NBAS: variants seen among roughly 807,000 people sequenced by gnomAD.
NBAS encodes NBAS subunit of NRZ tethering complex, also known as NAG/BC035112 fusion.
In NBAS, 219 loss-of-function variants were observed where a neutral mutation model predicts 302.5. That is an observed-to-expected ratio of 0.72 (90% confidence interval 0.65 to 0.81). The LOEUF (loss-of-function observed/expected upper bound fraction) is 0.81, where lower values mean the gene tolerates loss of function less well. NBAS is among the 30% of genes least tolerant of loss of function. NBAS has a pLI of 0.00. For missense variants in NBAS, 2,932 were observed against 2,841.6 expected (o/e 1.03, Z -0.72); for synonymous variants, 1,118 against 1,021.6 (o/e 1.09, Z -1.80).
intron 35 of NBAS, among the ~76,000 whole-genome samples, chr2:15,350,192 G>C (rs73197081): frequency 0.017 from 2,609 of 152,074 alleles, 87 homozygotes; most frequent in African/African-American, 0.06. Flanking sequence ...TCCACCAATA[G>C]ACTCCACAAC....
At chr2:15,169,057 C>A (rs567146496) in intron 51 of NBAS, among the ~76,000 whole-genome samples, 1 of 152,228 alleles carries the variant, frequency 6.6e-6, no homozygotes, top group Non-Finnish European at 1.5e-5. Flanking sequence ...AGTGAACCTA[C>A]ATTATGAAAC....
the NBAS span, among the ~76,000 whole-genome samples, chr2:14,806,968 C>T: frequency 1.6e-4 from 24 of 152,248 alleles, no homozygotes; most frequent in Admixed American, 2.6e-4. Flanking sequence ...TGAAATGCTG[C>T]ATCATATTTT....
chr2:15,401,948 A>G (rs1010325713), intron 26 of NBAS, among the ~76,000 whole-genome samples: 1 of 152,126 alleles, frequency 6.6e-6, no homozygotes, highest in Non-Finnish European at 1.5e-5. Context: ...TTCAGAATTT[A>G]ATTATAATTA....
intron 42 of NBAS, among the ~76,000 whole-genome samples, chr2:15,283,366 G>A (rs945223251): frequency 2.6e-5 from 4 of 152,084 alleles, no homozygotes; most frequent in African/African-American, 4.8e-5. Context: ...TAATCCCCAC[G>A]TGTTGTGGGA....
At chr2:15,262,231 A>G (rs1426591893) in intron 44 of NBAS, among the ~76,000 whole-genome samples, 1 of 152,216 alleles carries the variant, frequency 6.6e-6, no homozygotes, top group African/African-American at 2.4e-5. Flanking sequence ...TCGTCCTGCA[A>G]CTACTACAAC....
chr2:15,206,424 T>C (rs1386224882), intron 48 of NBAS, among the ~76,000 whole-genome samples: 1 of 150,294 alleles, frequency 6.7e-6, no homozygotes, highest in African/African-American at 2.4e-5. Context: ...GACCATGTGG[T>C]AGAAAAAAAA....
chr2:15,201,451 G>A (rs1665873997), intron 48 of NBAS, among the ~76,000 whole-genome samples: 1 of 152,138 alleles, frequency 6.6e-6, no homozygotes, highest in Non-Finnish European at 1.5e-5. Flanking sequence ...CTCTGTGGAA[G>A]GGAATTTTGA....
In NBAS at chr2:15,293,986, C is replaced by A. The variant is rs77665350; in HGVS notation, c.4798-1220G>T. Among the ~76,000 whole-genome samples, 259 of 152,280 alleles carry A rather than the reference C, an allele frequency of 1.7e-3. 4 individuals are homozygous for A. In the East Asian group the frequency reaches 0.044, roughly 26 times the overall value. On this transcript the variant is annotated intron_variant, in intron 40 of 51. Coordinates refer to ENST00000281513, the MANE Select transcript of NBAS (RefSeq NM_015909.4). ...CAAATATGTGTCTCAAGTTAAAAGA[C>A]CTGGGTTTGAATACGAACTATTCCA...
At chr2:15,090,987 C>T in the NBAS span, among the ~76,000 whole-genome samples, 2 of 152,148 alleles carry the variant, frequency 1.3e-5, no homozygotes, top group African/African-American at 2.4e-5. Context: ...TTACCTACAA[C>T]TATAATTCAA....
At chr2:15,065,728 T>TAA in the NBAS span, among the ~76,000 whole-genome samples, 11 of 151,256 alleles carry the variant, frequency 7.3e-5, no homozygotes, top group East Asian at 9.7e-4. Context: ...CACATTGATT[T>TAA]AAAAAAAAAT....
At chr2:15,068,197 G>A in the NBAS span, among the ~76,000 whole-genome samples, 1 of 152,142 alleles carries the variant, frequency 6.6e-6, no homozygotes, top group African/African-American at 2.4e-5. Context: ...CCTGACTTTA[G>A]TTCTCTAATA....
chr2:14,913,940 A>T, the NBAS span, among the ~76,000 whole-genome samples: 1 of 152,206 alleles, frequency 6.6e-6, no homozygotes, highest in Admixed American at 6.5e-5. Context: ...CTGTTGATAA[A>T]GATATACCTG....
intron 48 of NBAS, among the ~76,000 whole-genome samples, chr2:15,208,551 G>GGATCAAATA (rs1666255337): frequency 1.3e-5 from 2 of 152,190 alleles, no homozygotes; most frequent in Admixed American, 1.3e-4. Flanking sequence ...TGGATCAAAT[G>GGATCAAATA]GATCAAATAG....
chr2:14,986,666 C>A, the NBAS span, among the ~76,000 whole-genome samples: 2 of 152,080 alleles, frequency 1.3e-5, no homozygotes, highest in Non-Finnish European at 2.9e-5. Flanking sequence ...TAGCTTACCA[C>A]TTGAAGTTTA....
At chr2:15,388,131 T>G (rs1334662176) in intron 28 of NBAS, among the ~76,000 whole-genome samples, 2 of 152,236 alleles carry the variant, frequency 1.3e-5, no homozygotes, top group Non-Finnish European at 2.9e-5. Context: ...CTATTGATTC[T>G]TCCAATCTAT....
intron 9 of NBAS, among the ~76,000 whole-genome samples, chr2:15,530,271 T>C (rs1663157431): frequency 6.6e-6 from 1 of 152,104 alleles, no homozygotes; most frequent in Admixed American, 6.5e-5. Flanking sequence ...CAAAACACCC[T>C]GGGGCTCACT....
At chr2:15,523,003 C>T (rs1662749395) in intron 9 of NBAS, among the ~76,000 whole-genome samples, 1 of 152,122 alleles carries the variant, frequency 6.6e-6, no homozygotes, top group Non-Finnish European at 1.5e-5. Context: ...TTTACAAGAT[C>T]GATCATCTAT....
At chr2:15,440,056 G>A (rs923999616) in intron 21 of NBAS, among the ~76,000 whole-genome samples, 1 of 152,244 alleles carries the variant, frequency 6.6e-6, no homozygotes, top group African/African-American at 2.4e-5. Context: ...GCCTGCCTCT[G>A]TAGGCTCCAT....
the NBAS span, among the ~76,000 whole-genome samples, chr2:14,800,797 T>C: frequency 6.7e-6 from 1 of 150,334 alleles, no homozygotes; most frequent in Non-Finnish European, 1.5e-5. Flanking sequence ...TTTTGTTTTT[T>C]TTTTTTTAGG....
Sources: gnomAD v4.1 joint callset for allele counts (sites outside exome capture counted in the v4.1 genomes callset) on GRCh38, gnomAD v4.1.1 for gene constraint, MANE v1.5 for transcripts, NCBI Gene and HGNC (gene_info 2026-07-23, HGNC 2026-07-21) for gene names.